Variants in TMEM196 observed in about 807,000 individuals in gnomAD.
TMEM196 encodes transmembrane protein 196.
A neutral mutation model predicts 20.0 loss-of-function variants in TMEM196; 17 were observed. That is an observed-to-expected ratio of 0.85 (90% CI 0.58 to 1.27). The LOEUF is 1.27. Among genes scored for constraint, TMEM196 ranks in the 50% most tolerant of loss-of-function variants. TMEM196 has a pLI of 0.00. For synonymous variants in TMEM196, 113 were observed against 88.9 expected (o/e 1.27, Z -1.52); for missense variants, 267 against 223.0 (o/e 1.20, Z -1.26).
chr7:19,772,775 C>T lies in TMEM196; in HGVS notation c.-79G>A, dbSNP rs933630821. ...TTTTTTCTTCCACTATCCTCCTTAC[C>T]CCTTCCACCCCCTACCAGATCCCAA... is the stretch of plus-strand genomic sequence containing the variant. On this transcript the variant is annotated 5_prime_UTR_variant, in exon 1 of 5. Coordinates refer to ENST00000405844, the MANE Select transcript of TMEM196 (RefSeq NM_001363562.2). 2 of 1,291,344 alleles carry T rather than the reference C, an allele frequency of 1.5e-6. No individual in the cohort carries two copies. Among genetic ancestry groups the T allele is most frequent in the Admixed American group, 6.9e-5 (2 of 29,188 alleles). The allele number at this position is 1,291,344 out of a possible 1,614,324, so 80.0% of individuals were successfully genotyped here.
intron 1 of TMEM196, among the ~76,000 whole-genome samples, chr7:19,760,238 G>A (rs988367456): frequency 6.6e-6 from 1 of 150,680 alleles, no homozygotes; most frequent in Admixed American, 6.6e-5. Context: ...CCCTCTATAT[G>A]TCTGACTAAT....
chr7:19,756,915 A>G (rs75665652), intron 1 of TMEM196, among the ~76,000 whole-genome samples: 3,977 of 152,278 alleles, frequency 0.026, 85 homozygotes, highest in South Asian at 0.065. Flanking sequence ...CTTAATTCAC[A>G]CTAGCCACAT....
intron 1 of TMEM196, among the ~76,000 whole-genome samples, chr7:19,762,603 C>A (rs1397822996): frequency 6.6e-6 from 1 of 152,046 alleles, no homozygotes; most frequent in East Asian, 1.9e-4. Context: ...TCTTTCACAT[C>A]AAGTATGACT....
At chr7:19,738,842 T>C (rs1280207765) in intron 1 of TMEM196, among the ~76,000 whole-genome samples, 2 of 152,128 alleles carry the variant, frequency 1.3e-5, no homozygotes, top group Non-Finnish European at 2.9e-5. Flanking sequence ...AAATAACTTA[T>C]GTAGATATTT....
At chr7:19,769,004 T>C (rs1240280792) in intron 1 of TMEM196, among the ~76,000 whole-genome samples, 1 of 152,194 alleles carries the variant, frequency 6.6e-6, no homozygotes, top group Non-Finnish European at 1.5e-5. Context: ...AAAAAGCTTA[T>C]GATTTTAGGG....
intron 1 of TMEM196, among the ~76,000 whole-genome samples, chr7:19,752,292 C>G (rs1434332603): frequency 2.6e-5 from 4 of 152,190 alleles, no homozygotes; most frequent in Non-Finnish European, 5.9e-5. Context: ...TGTTTCCACT[C>G]ACCACTTTTC....
At chr7:19,730,991 C>T (rs1784183156) in intron 1 of TMEM196, among the ~76,000 whole-genome samples, 1 of 151,946 alleles carries the variant, frequency 6.6e-6, no homozygotes, top group Non-Finnish European at 1.5e-5. Flanking sequence ...AGTATTTATA[C>T]AAAAATGCTT....
intron 1 of TMEM196, among the ~76,000 whole-genome samples, chr7:19,761,750 G>A (rs1014186817): frequency 1.3e-5 from 2 of 152,086 alleles, no homozygotes; most frequent in African/African-American, 4.8e-5. Flanking sequence ...AATAAATTTC[G>A]GAAGAAATCA....
intron 1 of TMEM196, among the ~76,000 whole-genome samples, chr7:19,765,533 CT>C (rs1432875815): frequency 6.6e-6 from 1 of 152,114 alleles, no homozygotes; most frequent in Non-Finnish European, 1.5e-5. Context: ...TGTACTTTCA[CT>C]TTTCAACAAG....
At chr7:19,722,229 G>T in intron 4 of TMEM196, 95 bp from the exon 5 acceptor site, 1 of 1,046,124 alleles carries the variant, frequency 9.6e-7, no homozygotes, top group Non-Finnish European at 1.4e-6. Flanking sequence ...TCAATCCATT[G>T]AAAAACTTGC....
chr7:19,724,326 A>G lies in TMEM196; in HGVS notation c.487T>C (p.Leu163=), dbSNP rs948283477. The change falls in exon 4 of 5, where the codon TTG becomes CTG. Residue 163 remains leucine, a synonymous_variant. Transcript: ENST00000405844. ...GGGGGCACCACCGGGCAGCTGGGCA[A>G]GTCGGTTATTTCAATAGCCCTCAAT... ...KRLRAIEITD[L]PSCPVVPPTP... 2.6e-6 allele frequency: 4 copies of G among 1,550,384 alleles called. No homozygotes were observed. The highest frequency in any genetic ancestry group is 3.5e-6 in the Non-Finnish European group (4 of 1,146,842).
intron 1 of TMEM196, among the ~76,000 whole-genome samples, chr7:19,743,592 G>A (rs1784651907): frequency 6.6e-6 from 1 of 152,106 alleles, no homozygotes; most frequent in African/African-American, 2.4e-5. Context: ...AAAACGAAGG[G>A]GTTGGAAATA....
chr7:19,725,409 A>G (rs1783959474), intron 3 of TMEM196, 105 bp downstream of exon 3: 9 of 1,421,398 alleles, frequency 6.3e-6, no homozygotes, highest in Non-Finnish European at 8.4e-6. Flanking sequence ...AATGTATAAA[A>G]TCTGATTCCT....
intron 1 of TMEM196, among the ~76,000 whole-genome samples, chr7:19,760,631 G>C (rs1480343599): frequency 1.3e-5 from 2 of 152,032 alleles, no homozygotes; most frequent in Non-Finnish European, 2.9e-5. Context: ...AAAATGCTGG[G>C]ATTATAGGCG....
At chr7:19,730,877 T>A (rs745776003) in intron 1 of TMEM196, among the ~76,000 whole-genome samples, 1 of 152,174 alleles carries the variant, frequency 6.6e-6, no homozygotes, top group South Asian at 2.1e-4. Flanking sequence ...ATAATTTAGA[T>A]GACCTTTCAT....
intron 2 of TMEM196, among the ~76,000 whole-genome samples, chr7:19,727,837 TA>T (rs1272017674): frequency 6.6e-6 from 1 of 152,190 alleles, no homozygotes; most frequent in Non-Finnish European, 1.5e-5. Context: ...ATCCAGGAAT[TA>T]AAATGTTTAA....
intron 2 of TMEM196, among the ~76,000 whole-genome samples, chr7:19,728,611 C>G (rs997439913): frequency 1.3e-5 from 2 of 152,156 alleles, no homozygotes; most frequent in Non-Finnish European, 2.9e-5. Context: ...TCTTTAGGCT[C>G]AAAGGGTACT....
intron 1 of TMEM196, among the ~76,000 whole-genome samples, chr7:19,735,425 C>G (rs1784362508): frequency 6.6e-6 from 1 of 152,124 alleles, no homozygotes; most frequent in Non-Finnish European, 1.5e-5. Context: ...CCTTTTCTTT[C>G]CCTGCTAGTT....
chr7:19,752,589 T>A (rs190439279), intron 1 of TMEM196, among the ~76,000 whole-genome samples: 1,556 of 152,162 alleles, frequency 0.01, 31 homozygotes, highest in African/African-American at 0.035. Flanking sequence ...TCAATTTTTT[T>A]AATTTAATTT....
Sources: allele counts gnomAD v4.1 joint callset (sites outside exome capture counted in the v4.1 genomes callset), GRCh38; gene constraint gnomAD v4.1.1; transcripts MANE v1.5; gene names NCBI Gene and HGNC (gene_info 2026-07-23, HGNC 2026-07-21).